Variants in SLITRK5 observed in about 807,000 individuals in gnomAD.
SLITRK5 encodes the protein SLIT and NTRK-like protein 5.
Under a neutral mutation model 56.2 loss-of-function variants are expected in SLITRK5, and 23 were observed. The observed-to-expected ratio is 0.41, with a 90% confidence interval of 0.29 to 0.58. SLITRK5 has a LOEUF of 0.58. SLITRK5 is among the 20% of genes least tolerant of loss of function. The probability of loss-of-function intolerance (pLI) is 0.30; values close to 1 mark genes in which losing one functional copy is unlikely to be tolerated. For synonymous variants in SLITRK5, 637 were observed against 531.8 expected, an observed-to-expected ratio of 1.20 and a Z score of -2.72; for missense variants, 1,289 against 1,226.6, an observed-to-expected ratio of 1.05 and a Z score of -0.76.
At chr13:87,674,441 G>A in intron 1 of SLITRK5, 1 of 983,104 alleles carries the variant, frequency 1.0e-6, no homozygotes, top group Non-Finnish European at 1.2e-6. Flanking sequence ...TTGGTGTACT[G>A]ATTCCCGGTA....
Position 87,677,198 on chromosome 13 carries a change from C to T in SLITRK5, c.1810C>T (p.Arg604Cys), listed in dbSNP as rs371327441. Residue 604 changes from arginine to cysteine, a missense_variant, in exon 2 of 2, where the codon CGC (arginine) becomes TGC (cysteine). This residue lies in a region of SLITRK5 where 985 missense variants were observed against 906.0 expected (regional missense o/e 1.09). Transcript: ENST00000683689. This position sits in a 1 kb window ranked among gnomAD's most constrained non-coding sequence, Gnocchi z 4.7. ...CAAAAAATTCGCTGAGACCGACATG[C>T]GCTCCATTAAGTCGGAGCTGCTGTG... ...APKKFAETDM[R>C]SIKSELLCPD... The T allele has an allele frequency of 2.5e-6, 4 of 1,614,016 alleles. No individual in the cohort carries two copies. Among genetic ancestry groups the T allele is most frequent in the Non-Finnish European group, 3.4e-6 (4 of 1,180,036 alleles).
In SLITRK5 at chr13:87,678,515, G is replaced by T. The variant is rs959650427; in HGVS notation, c.*250G>T. 2 of 495,402 alleles carry T rather than the reference G, an allele frequency of 4.0e-6. No individual in the cohort carries two copies. Among genetic ancestry groups the T allele is most frequent in the Non-Finnish European group, 7.3e-6 (2 of 272,778 alleles). The allele number at this position is 495,402 out of a possible 1,614,324, so 30.7% of individuals were successfully genotyped here. A position where few individuals can be genotyped will look rare whatever the true frequency, so the allele number is the denominator to read the frequency against. On this transcript the variant is annotated 3_prime_UTR_variant, in exon 2 of 2. Transcript: ENST00000683689. ...GCGTGTGGGGCAGGTGTGGAGAAGG[G>T]CTTTAAGGAGGCCAATTTGCTGCGC...
chr13:87,673,600 G>A, intron 1 of SLITRK5: 1 of 1,073,166 alleles, frequency 9.3e-7, no homozygotes, highest in Non-Finnish European at 1.3e-6. Flanking sequence ...TCACTGGGGT[G>A]GGGATGTTTT....
chr13:87,675,252 G>C (rs1281358902), intron 1 of SLITRK5, 129 bp from the exon 2 acceptor site: 3 of 626,766 alleles, frequency 4.8e-6, no homozygotes, highest in Non-Finnish European at 8.6e-6. Flanking sequence ...CACTTGGGGA[G>C]GTGTGTCATT....
rs761761375 is a variant in SLITRK5, at chr13:87,677,791, A to G, written c.2403A>G (p.Pro801=). The change falls in exon 2 of 2, where the codon CCA becomes CCG. Residue 801 remains proline, a synonymous_variant. Coordinates refer to ENST00000683689, the MANE Select transcript of SLITRK5 (RefSeq NM_001384609.1). This position sits in a 1 kb window ranked among gnomAD's most constrained non-coding sequence, Gnocchi z 4.7. The part of the protein sequence containing the change: ...HLQQQQQPPP[P]PQQPQQQPPP... The stretch of plus-strand genomic sequence containing the variant: ...AGCAGCAGCAGCAGCCGCCGCCGCC[A>G]CCGCAGCAGCCACAGCAGCAGCCCC... 1.2e-5 allele frequency: 19 copies of G among 1,608,010 alleles called. No homozygotes were observed. The highest frequency in any genetic ancestry group is 1.7e-4 in the Middle Eastern group (1 of 5,948).
rs1406739537 is a variant in SLITRK5, at chr13:87,675,642, A to T, written c.254A>T (p.His85Leu). 1.5e-5 allele frequency: 25 copies of T among 1,613,728 alleles called. No individual in the cohort carries two copies. The highest frequency in any genetic ancestry group is 2.2e-5 in the East Asian group (1 of 44,870). ...EISPPRFPIY[H>L]LLLSGNLLNR... ...AGCCCTCCCCGTTTCCCAATCTACC[A>T]CCTCTTGTTGTCCGGAAACCTTTTG... The change falls in exon 2 of 2, where the codon CAC (histidine) becomes CTC (leucine). Residue 85 changes from histidine to leucine, a missense_variant. Physicochemically the swap from His to Leu is moderately conservative, Grantham distance 99 (BLOSUM62 -3). Around this residue, in one of 3 missense-constraint regions of SLITRK5, gnomAD observed 291 missense variants for 286.7 expected, o/e 1.02. Coordinates refer to ENST00000683689, the MANE Select transcript of SLITRK5 (RefSeq NM_001384609.1).
chr13:87,678,229 A>C lies in SLITRK5; in HGVS notation c.2841A>C (p.Glu947Asp). Reference protein sequence around the residue: ...AKLNVEPDYLEVLEKQTTFSQ... With the variant: ...AKLNVEPDYLDVLEKQTTFSQ... ...TAAACGTTGAGCCGGACTACCTCGA[A>C]GTGCTGGAAAAACAGACCACGTTTA... is the stretch of plus-strand genomic sequence containing the variant. The change falls in exon 2 of 2, where the codon GAA becomes GAC. Residue 947 changes from glutamate to aspartate, a missense_variant. Coordinates refer to ENST00000683689, the MANE Select transcript of SLITRK5 (RefSeq NM_001384609.1). 6.2e-7 allele frequency: 1 copy of C among 1,613,830 alleles called. No individual in the cohort carries two copies. Among genetic ancestry groups the C allele is most frequent in the Non-Finnish European group, 8.5e-7 (1 of 1,179,850 alleles).
In SLITRK5 at chr13:87,675,981, G is replaced by C. The variant is rs1359137447; in HGVS notation, c.593G>C (p.Arg198Pro). ...LLSSLPNNLF[R>P]FVPLTHLDLR... ...TCCAGTTTACCCAACAATCTTTTCC[G>C]TTTTGTGCCCTTAACGCACTTGGAC... Residue 198 changes from arginine (R) to proline (P), a missense_variant, in exon 2 of 2, where the codon CGT (arginine) becomes CCT (proline). Transcript: ENST00000683689. 6.2e-7 allele frequency: 1 copy of C among 1,613,940 alleles called. No homozygotes were observed. Among genetic ancestry groups the C allele is most frequent in the Non-Finnish European group, 8.5e-7 (1 of 1,180,024 alleles).
Position 87,677,297 on chromosome 13 carries a change from G to A in SLITRK5, c.1909G>A (p.Val637Met), listed in dbSNP as rs778039599. The change falls in exon 2 of 2, where the codon GTG (valine) becomes ATG (methionine). Residue 637 changes from valine (V) to methionine (M), a missense_variant. Val to Met is a conservative substitution (Grantham distance 21). Transcript: ENST00000683689. This position sits in a 1 kb window ranked among gnomAD's most constrained non-coding sequence, Gnocchi z 4.7. ...CCAGGTCCCTGCGAGGACCAGCGCCGTGACTCCTGCGGTCCGGTTGAATAG... is the reference window on the plus strand; with the variant it reads ...CCAGGTCCCTGCGAGGACCAGCGCCATGACTCCTGCGGTCCGGTTGAATAG... ...SIQVPARTSA[V>M]TPAVRLNSTG... 1.7e-5 allele frequency: 27 copies of A among 1,614,046 alleles called. 1 individual carries two copies. Among genetic ancestry groups the A allele is most frequent in the East Asian group, 4.5e-5 (2 of 44,868 alleles).
Position 87,676,216 on chromosome 13 carries a change from C to A in SLITRK5, c.828C>A (p.Asp276Glu). 6.2e-7 allele frequency: 1 copy of A among 1,614,052 alleles called. No individual in the cohort carries two copies. The highest frequency in any genetic ancestry group is 8.5e-7 in the Non-Finnish European group (1 of 1,180,014). ...TPFRLHGRDL[D>E]EVSKQELCPR... ...TCCGCTTACACGGAAGGGACTTGGA[C>A]GAGGTATCCAAGCAGGAACTTTGCC... Residue 276 changes from aspartate to glutamate, a missense_variant, in exon 2 of 2, where the codon GAC (aspartate) becomes GAA (glutamate). Physicochemically the swap from Asp to Glu is conservative, Grantham distance 45. Around this residue, in one of 3 missense-constraint regions of SLITRK5, gnomAD observed 985 missense variants for 906.0 expected, o/e 1.09. Coordinates refer to ENST00000683689, the MANE Select transcript of SLITRK5 (RefSeq NM_001384609.1).
In SLITRK5 at chr13:87,677,778, A is replaced by G. The variant is rs11840163; in HGVS notation, c.2390A>G (p.Gln797Arg). ...AACCACCACCTGCAGCAGCAGCAGC[A>G]GCCGCCGCCGCCACCGCAGCAGCCA... ...SSNHHLQQQQ[Q>R]PPPPPQQPQQ... Residue 797 changes from glutamine to arginine, a missense_variant, in exon 2 of 2, where the codon CAG becomes CGG. Gln to Arg is a conservative substitution (Grantham distance 43). Transcript: ENST00000683689. This position sits in a 1 kb window ranked among gnomAD's most constrained non-coding sequence, Gnocchi z 4.7. 2.5e-6 allele frequency: 4 copies of G among 1,606,620 alleles called. No homozygotes were observed. In the African/African-American group the frequency reaches 5.4e-5, roughly 21 times the overall value.
Position 87,678,732 on chromosome 13 carries a change from C to T in SLITRK5, c.*467C>T, listed in dbSNP as rs971944927. 2 of 168,650 alleles carry T rather than the reference C, an allele frequency of 1.2e-5. No individual in the cohort carries two copies. The highest frequency in any genetic ancestry group is 4.9e-5 in the African/African-American group (2 of 40,998). The allele number at this position is 168,650 out of a possible 1,614,324, so 10.4% of individuals were successfully genotyped here. A position where few individuals can be genotyped will look rare whatever the true frequency, so the allele number is the denominator to read the frequency against. ...GGCTTTTGTGGAGAAATTAGCACAC[C>T]CCAACTTTAATAGGAAATTTGTTCT... is the stretch of plus-strand genomic sequence containing the variant. On this transcript the variant is annotated 3_prime_UTR_variant, in exon 2 of 2. Coordinates refer to ENST00000683689, the MANE Select transcript of SLITRK5 (RefSeq NM_001384609.1).
In SLITRK5 at chr13:87,677,039, C is replaced by A; in HGVS notation, c.1651C>A (p.Gln551Lys). 1.9e-6 allele frequency: 3 copies of A among 1,614,050 alleles called. No homozygotes were observed. Among genetic ancestry groups the A allele is most frequent in the Non-Finnish European group, 2.5e-6 (3 of 1,179,978 alleles). The change falls in exon 2 of 2, where the codon CAG (glutamine) becomes AAG (lysine). Residue 551 changes from glutamine (Q) to lysine (K), a missense_variant. Transcript: ENST00000683689. This position sits in a 1 kb window ranked among gnomAD's most constrained non-coding sequence, Gnocchi z 4.7. ...CTTGCCAGTGAGTGGAGTTTTGGAC[C>A]AGCTGAAGTCACTCATCCAAATCGA... ...TSLPVSGVLDQLKSLIQIDLH... is the reference protein window; with the variant it reads ...TSLPVSGVLDKLKSLIQIDLH...
In SLITRK5 at chr13:87,677,929, G is replaced by A; in HGVS notation, c.2541G>A (p.Pro847=). The A allele has an allele frequency of 1.9e-6, 3 of 1,613,660 alleles. No individual in the cohort carries two copies. The highest frequency in any genetic ancestry group is 2.2e-5 in the East Asian group (1 of 44,804). Residue 847 remains proline, a synonymous_variant, in exon 2 of 2, where the codon CCG becomes CCA. Coordinates refer to ENST00000683689, the MANE Select transcript of SLITRK5 (RefSeq NM_001384609.1). This position sits in a 1 kb window ranked among gnomAD's most constrained non-coding sequence, Gnocchi z 4.7. Reference sequence around the variant, plus strand: ...AGCCCCGGGAGGACCTGCTGTCGCCGGTGCAGGACGCCGACCGCTTTTACA... The same window carrying A: ...AGCCCCGGGAGGACCTGCTGTCGCCAGTGCAGGACGCCGACCGCTTTTACA... ...TIEPREDLLS[P]VQDADRFYRG... is the part of the protein sequence containing the mutation.
Position 87,676,739 on chromosome 13 carries a change from C to T in SLITRK5, c.1351C>T (p.Arg451Cys), listed in dbSNP as rs1414302227. 3 of 1,614,068 alleles carry T rather than the reference C, an allele frequency of 1.9e-6. No individual in the cohort carries two copies. The highest frequency in any genetic ancestry group is 1.7e-5 in the Admixed American group (1 of 60,024). Reference protein sequence around the residue: ...GNNRISMIQDRAFGDLTNLRR... With the variant: ...GNNRISMIQDCAFGDLTNLRR... ...TAACCGCATCTCGATGATCCAGGAC[C>T]GCGCTTTCGGGGATCTCACCAACCT... Residue 451 changes from arginine (R) to cysteine (C), a missense_variant, in exon 2 of 2, where the codon CGC becomes TGC. Transcript: ENST00000683689.
In SLITRK5 at chr13:87,677,791, A is replaced by ACCGCAGCAG; in HGVS notation, c.2406_2414dup (p.Pro805_Gln807dup). Reference sequence around the variant, plus strand: ...AGCAGCAGCAGCAGCCGCCGCCGCCACCGCAGCAGCCACAGCAGCAGCCCC... The same window carrying ACCGCAGCAG: ...AGCAGCAGCAGCAGCCGCCGCCGCCACCGCAGCAGCCGCAGCAGCCACAGCAGCAGCCCC... On this transcript the variant is annotated inframe_insertion, in exon 2 of 2. Transcript: ENST00000683689. The surrounding 1 kb of genome is among the most constrained non-coding windows in gnomAD (Gnocchi z 4.7). The ACCGCAGCAG allele has an allele frequency of 6.2e-7, 1 of 1,608,128 alleles. No homozygotes were observed. The highest frequency in any genetic ancestry group is 8.5e-7 in the Non-Finnish European group (1 of 1,177,532).
chr13:87,678,297 T>G lies in SLITRK5; in HGVS notation c.*32T>G. The G allele has an allele frequency of 1.9e-6, 3 of 1,552,914 alleles. No homozygotes were observed. The highest frequency in any genetic ancestry group is 2.6e-6 in the Non-Finnish European group (3 of 1,146,378). ...AGAAACTCTCTTGGAGCTTTTGCAT[T>G]TAAAACAAACAAGCAAGCAGACACA... On this transcript the variant is annotated 3_prime_UTR_variant, in exon 2 of 2. Transcript: ENST00000683689.
In SLITRK5 at chr13:87,679,213, G is replaced by C. The variant is rs544931254; in HGVS notation, c.*948G>C. 6.2e-4 allele frequency: 104 copies of C among 167,128 alleles called. No homozygotes were observed. Among genetic ancestry groups the C allele is most frequent in the African/African-American group, 2.4e-3 (99 of 41,544 alleles). The allele number at this position is 167,128 out of a possible 1,614,324, so 10.4% of individuals were successfully genotyped here. On this transcript the variant is annotated 3_prime_UTR_variant, in exon 2 of 2. Coordinates refer to ENST00000683689, the MANE Select transcript of SLITRK5 (RefSeq NM_001384609.1). ...CTGCATTTTCTTTTAAGAAAACAGA[G>C]CTGATTGTATCCCAATGTATTTTAA...
At position 87,676,966 on chromosome 13, in the gene SLITRK5, T is replaced by A; in HGVS notation, c.1578T>A (p.Ser526=). Residue 526 remains serine (S), a synonymous_variant, in exon 2 of 2, where the codon TCT becomes TCA. Coordinates refer to ENST00000683689, the MANE Select transcript of SLITRK5 (RefSeq NM_001384609.1). Reference sequence around the variant, plus strand: ...AGGCCATGCCCTCAGGCGTCTTCTCTGGCTTGACCCTCCTCAGGCTAAACC... The same window carrying A: ...AGGCCATGCCCTCAGGCGTCTTCTCAGGCTTGACCCTCCTCAGGCTAAACC... ...LLQAMPSGVF[S]GLTLLRLNLR... The A allele has an allele frequency of 2.5e-6, 4 of 1,614,194 alleles. No homozygotes were observed. The South Asian group carries it at 4.4e-5, about 18-fold the overall frequency.
Sources: allele counts gnomAD v4.1 joint callset, GRCh38; gene constraint gnomAD v4.1.1; regional missense constraint gnomAD v4.1.1; non-coding constraint Gnocchi (gnomAD v3.1); transcripts MANE v1.5; gene names NCBI Gene and HGNC (gene_info 2026-07-23, HGNC 2026-07-21).